Variants in GPC5 observed in about 807,000 individuals in gnomAD.
GPC5 encodes the protein glypican-5.
GPC5 carries 47 observed loss-of-function variants against 53.9 expected under a neutral mutation model. The observed-to-expected ratio is 0.87, with a 90% CI of 0.69 to 1.11. The LOEUF is 1.11. GPC5 is among the 50% of genes most tolerant of loss of function. GPC5 has a pLI of 0.00. For missense variants in GPC5, 748 were observed against 713.1 expected, an observed-to-expected ratio of 1.05 and a Z score of -0.56; for synonymous variants, 286 against 263.3, an observed-to-expected ratio of 1.09 and a Z score of -0.84.
At chr13:92,316,286 A>G (rs1488112318) in intron 7 of GPC5, among the ~76,000 whole-genome samples, 1 of 152,154 alleles carries the variant, frequency 6.6e-6, no homozygotes, top group Non-Finnish European at 1.5e-5. Context: ...TAAATACTTC[A>G]GGATAACTAA....
chr13:92,491,447 G>A (rs184664372), intron 7 of GPC5, among the ~76,000 whole-genome samples: 1 of 151,956 alleles, frequency 6.6e-6, no homozygotes, highest in African/African-American at 2.4e-5. Context: ...TATTAAGATG[G>A]GTAGTTTTTG....
chr13:92,802,922 T>C (rs1876960863), intron 7 of GPC5, among the ~76,000 whole-genome samples: 1 of 152,010 alleles, frequency 6.6e-6, no homozygotes, highest in African/African-American at 2.4e-5. Context: ...GTTCAAAAGC[T>C]TTCATGTCCA....
intron 2 of GPC5, among the ~76,000 whole-genome samples, chr13:91,645,636 A>T (rs117424372): frequency 6.6e-6 from 1 of 152,226 alleles, no homozygotes; most frequent in South Asian, 2.1e-4. Context: ...GGATTTCCTT[A>T]TCCTACTACT....
intron 7 of GPC5, chr13:92,340,024 C>T (rs566446555): frequency 8.6e-5 from 13 of 152,036 alleles, no homozygotes; most frequent in African/African-American, 2.7e-4. Context: ...AAAATGAGCA[C>T]GTAGCTAAGT....
At chr13:91,409,639 ATTTTCTTTTC>A (rs538049306) in intron 1 of GPC5, among the ~76,000 whole-genome samples, 20 of 152,028 alleles carry the variant, frequency 1.3e-4, no homozygotes, top group Non-Finnish European at 2.6e-4. Flanking sequence ...ATGATCACAT[ATTTTCTTTTC>A]TTTTCTTTTC....
At chr13:92,280,974 G>A (rs1373001172) in intron 7 of GPC5, among the ~76,000 whole-genome samples, 1 of 152,176 alleles carries the variant, frequency 6.6e-6, no homozygotes, top group Non-Finnish European at 1.5e-5. Flanking sequence ...GAAGTGCGAG[G>A]GGTCAGGGAA....
At chr13:91,803,166 A>G (rs1258941450) in intron 5 of GPC5, among the ~76,000 whole-genome samples, 1 of 152,168 alleles carries the variant, frequency 6.6e-6, no homozygotes, top group African/African-American at 2.4e-5. Flanking sequence ...ATCATTTTAT[A>G]TTATTGGTGA....
At chr13:91,995,478 A>G (rs1477100969) in intron 6 of GPC5, 1 of 152,214 alleles carries the variant, frequency 6.6e-6, no homozygotes, top group East Asian at 1.9e-4. Context: ...AGGCAGCAAG[A>G]CATTTGCAAG....
chr13:92,517,218 G>C (rs1183425259), intron 7 of GPC5, among the ~76,000 whole-genome samples: 3 of 152,188 alleles, frequency 2.0e-5, no homozygotes, highest in Non-Finnish European at 2.9e-5. Flanking sequence ...AGCTCAAGGA[G>C]GCCTGCCTGC....
chr13:91,681,950 A>G (rs932837039), intron 2 of GPC5, among the ~76,000 whole-genome samples: 2 of 152,018 alleles, frequency 1.3e-5, no homozygotes, highest in Non-Finnish European at 2.9e-5. Context: ...GTCTTGCTTT[A>G]TTTTGTTTTT....
chr13:91,839,881 A>G (rs1214138618), intron 5 of GPC5, among the ~76,000 whole-genome samples: 2 of 152,136 alleles, frequency 1.3e-5, no homozygotes, highest in Non-Finnish European at 2.9e-5. Context: ...ACACAATTCC[A>G]TGGCAATGCT....
intron 6 of GPC5, among the ~76,000 whole-genome samples, chr13:91,971,141 A>AGCCT (rs2040237945): frequency 6.6e-6 from 1 of 152,168 alleles, no homozygotes; most frequent in Non-Finnish European, 1.5e-5. Context: ...CCACAATTTC[A>AGCCT]GAGCCTGTTA....
intron 5 of GPC5, among the ~76,000 whole-genome samples, chr13:91,880,265 T>C (rs1381195295): frequency 1.3e-5 from 2 of 152,122 alleles, no homozygotes; most frequent in African/African-American, 2.4e-5. Flanking sequence ...TTTTTGTCTT[T>C]AAAACAATTG....
intron 2 of GPC5, among the ~76,000 whole-genome samples, chr13:91,519,317 T>G (rs766069284): frequency 1.2e-4 from 18 of 152,164 alleles, no homozygotes; most frequent in Non-Finnish European, 1.8e-4. Context: ...AAGGAACTAT[T>G]TATATATTTA....
chr13:92,269,078 C>T (rs561054642), intron 7 of GPC5, among the ~76,000 whole-genome samples: 23 of 152,020 alleles, frequency 1.5e-4, no homozygotes, highest in Admixed American at 5.9e-4. Flanking sequence ...TATCAGTAGA[C>T]GTTATTCATA....
intron 5 of GPC5, among the ~76,000 whole-genome samples, chr13:91,897,544 T>C (rs2039456024): frequency 1.3e-5 from 2 of 152,070 alleles, no homozygotes; most frequent in Admixed American, 6.6e-5. Context: ...TTGGATAGGC[T>C]CCCATCCCTG....
intron 3 of GPC5, among the ~76,000 whole-genome samples, chr13:91,717,154 GA>G (rs1278441027): frequency 5.3e-5 from 8 of 152,024 alleles, no homozygotes; most frequent in Non-Finnish European, 1.5e-5. Context: ...CAGGCAAGGA[GA>G]AAAAAAGAAA....
intron 6 of GPC5, among the ~76,000 whole-genome samples, chr13:92,034,917 C>A (rs1216302330): frequency 6.6e-6 from 1 of 152,068 alleles, no homozygotes; most frequent in South Asian, 2.1e-4. Context: ...TTTACTTCCT[C>A]AATAAAAGAG....
At chr13:92,839,006 C>A (rs1202838290) in intron 7 of GPC5, among the ~76,000 whole-genome samples, 2 of 152,184 alleles carry the variant, frequency 1.3e-5, no homozygotes, top group Non-Finnish European at 2.9e-5. Flanking sequence ...AACTGTTCAC[C>A]AGAACACAAA....
Sources: allele counts gnomAD v4.1 joint callset (sites outside exome capture counted in the v4.1 genomes callset), GRCh38; gene constraint gnomAD v4.1.1; transcripts MANE v1.5; gene names NCBI Gene and HGNC (gene_info 2026-07-23, HGNC 2026-07-21).